COL19A1: variants seen among roughly 807,000 people sequenced by gnomAD.
COL19A1 encodes collagen alpha-1(XIX) chain.
Under a neutral mutation model 190.2 loss-of-function variants are expected in COL19A1, and 159 were observed. That is an observed-to-expected ratio of 0.84 (90% CI 0.73 to 0.95). The LOEUF (loss-of-function observed/expected upper bound fraction) is 0.95. COL19A1 is among the 40% of genes least tolerant of loss of function. The pLI is 0.00. For synonymous variants in COL19A1, 509 were observed against 458.9 expected, an observed-to-expected ratio of 1.11 and a Z score of -1.39; for missense variants, 1,418 against 1,431.9, an observed-to-expected ratio of 0.99 and a Z score of 0.16.
intron 42 of COL19A1, among the ~76,000 whole-genome samples, chr6:70,180,004 TC>T: frequency 6.6e-6 from 1 of 152,282 alleles, no homozygotes; most frequent in East Asian, 1.9e-4. Context: ...TGCCTCGGGC[TC>T]CCGAGTAGCT....
At chr6:69,904,192 C>A (rs542516276) in intron 4 of COL19A1, among the ~76,000 whole-genome samples, 27 of 152,316 alleles carry the variant, frequency 1.8e-4, no homozygotes, top group African/African-American at 6.5e-4. Flanking sequence ...CCCAGGTATT[C>A]AGATCAAATG....
At chr6:70,080,589 C>T (rs1285482141) in intron 15 of COL19A1, among the ~76,000 whole-genome samples, 1 of 152,094 alleles carries the variant, frequency 6.6e-6, no homozygotes, top group Non-Finnish European at 1.5e-5. Context: ...CCTTGGAAAA[C>T]TTTGTTTTAT....
intron 49 of COL19A1, 138 bp from the exon 50 acceptor site, chr6:70,206,763 A>T: frequency 1.5e-6 from 1 of 666,408 alleles, no homozygotes; most frequent in South Asian, 2.4e-5. Flanking sequence ...GGTTAATGCA[A>T]AACAGTTAGC....
chr6:69,909,225 AG>A (rs956010832), intron 4 of COL19A1, among the ~76,000 whole-genome samples: 1 of 152,130 alleles, frequency 6.6e-6, no homozygotes, highest in Non-Finnish European at 1.5e-5. Context: ...CTCATTTCTG[AG>A]GAAAAAAGGA....
chr6:70,089,087 G>A (rs1782752379), intron 15 of COL19A1, among the ~76,000 whole-genome samples: 1 of 152,030 alleles, frequency 6.6e-6, no homozygotes, highest in Admixed American at 6.6e-5. Context: ...CTTTGCCTCT[G>A]GAGATCTTGA....
At chr6:69,879,930 T>C in intron 2 of COL19A1, 1 of 452,010 alleles carries the variant, frequency 2.2e-6, no homozygotes, top group Non-Finnish European at 3.9e-6. Flanking sequence ...TGCCTCTGTG[T>C]GTATATATGA....
In COL19A1 at chr6:70,212,048, T is replaced by G. The variant is rs376087237; in HGVS notation, c.*4774T>G. 2.0e-4 allele frequency among the ~76,000 whole-genome samples: 30 copies of G among 152,246 alleles called. No individual in the cohort carries two copies. Among genetic ancestry groups the G allele is most frequent in the African/African-American group, 7.0e-4 (29 of 41,568 alleles). ...TCACTAAATGAGGGGGTAAATAAGA[T>G]TTAAGTTTATCAGAAGTGTGTGTAT... On this transcript the variant is annotated 3_prime_UTR_variant, in exon 51 of 51. Coordinates refer to ENST00000620364, the MANE Select transcript of COL19A1 (RefSeq NM_001858.6).
At chr6:70,104,073 A>ATTGATTTCATTTCACTTTAGCCATTC (rs1258538313) in intron 16 of COL19A1, among the ~76,000 whole-genome samples, 2 of 152,178 alleles carry the variant, frequency 1.3e-5, no homozygotes, top group Non-Finnish European at 2.9e-5. Flanking sequence ...CTGTCCTGTC[A>ATTGATTTCATTTCACTTTAGCCATTC]TTGATTTCAT....
chr6:70,035,696 A>G (rs143663453), intron 13 of COL19A1, among the ~76,000 whole-genome samples: 136 of 152,358 alleles, frequency 8.9e-4, no homozygotes, highest in African/African-American at 3.1e-3. Context: ...TGCAAAAAGC[A>G]TAGAGTATAC....
intron 34 of COL19A1, 92 bp downstream of exon 34, chr6:70,156,815 A>T: frequency 1.1e-6 from 1 of 894,154 alleles, no homozygotes; most frequent in East Asian, 2.7e-5. Context: ...TATAGCTCAG[A>T]TCTGATGCTA....
chr6:70,020,848 G>T (rs925723150), intron 11 of COL19A1, among the ~76,000 whole-genome samples: 3 of 152,034 alleles, frequency 2.0e-5, no homozygotes, highest in African/African-American at 7.2e-5. Context: ...ATGCATAGTT[G>T]ATAGATCAAT....
At chr6:70,206,862 C>A (rs369354551) in intron 49 of COL19A1, 39 bp from the exon 50 acceptor site, 18 of 1,577,632 alleles carry the variant, frequency 1.1e-5, no homozygotes, top group Non-Finnish European at 1.6e-5. Context: ...GCCATAGAAC[C>A]CTTTTTGTGT....
chr6:69,978,330 T>G (rs961086205), intron 11 of COL19A1, among the ~76,000 whole-genome samples: 1 of 152,260 alleles, frequency 6.6e-6, no homozygotes, highest in African/African-American at 2.4e-5. Flanking sequence ...ATCCAATAGA[T>G]AATTTTTTAT....
chr6:70,149,997 T>G lies in COL19A1; in HGVS notation c.1989T>G (p.Val663=), dbSNP rs765873455. 3 of 1,613,660 alleles carry G rather than the reference T, an allele frequency of 1.9e-6. No homozygotes were observed. Among genetic ancestry groups the G allele is most frequent in the African/African-American group, 1.3e-5 (1 of 74,878 alleles). The change falls in exon 30 of 51, where the codon GTT becomes GTG. Residue 663 remains valine, a synonymous_variant. Coordinates refer to ENST00000620364, the MANE Select transcript of COL19A1 (RefSeq NM_001858.6). The part of the protein sequence containing the change: ...GTPGTPGNDG[V]PGRDGKPGLP... ...ATGGATACCTCTGTTTTCAGGGAGT[T>G]CCAGGGAGAGATGGAAAGCCAGGCC...
intron 3 of COL19A1, among the ~76,000 whole-genome samples, chr6:69,899,312 A>G (rs1285980826): frequency 2.6e-5 from 4 of 151,752 alleles, no homozygotes; most frequent in Admixed American, 1.3e-4. Context: ...CTACAGGCAC[A>G]TGGCTATTTT....
intron 31 of COL19A1, among the ~76,000 whole-genome samples, chr6:70,152,248 A>G (rs1787111334): frequency 6.6e-6 from 1 of 152,148 alleles, no homozygotes; most frequent in African/African-American, 2.4e-5. Context: ...ACACACGCAC[A>G]CACACACAGA....
At chr6:70,169,185 C>T (rs1322773109) in intron 40 of COL19A1, among the ~76,000 whole-genome samples, 1 of 152,272 alleles carries the variant, frequency 6.6e-6, no homozygotes, top group South Asian at 2.1e-4. Context: ...AGGTTATGCT[C>T]AGCATGGAAG....
At chr6:69,919,276 G>A (rs1195367988) in intron 4 of COL19A1, among the ~76,000 whole-genome samples, 6 of 152,116 alleles carry the variant, frequency 3.9e-5, no homozygotes, top group East Asian at 1.9e-4. Context: ...ATGTGTGACC[G>A]ACTTTTTGGG....
Position 70,146,702 on chromosome 6 carries a change from AG to A in COL19A1, c.1815+1del. 6.2e-7 allele frequency: 1 copy of A among 1,604,730 alleles called. No individual in the cohort carries two copies. Among genetic ancestry groups the A allele is most frequent in the East Asian group, 2.2e-5 (1 of 44,728 alleles). On this transcript the variant is annotated frameshift_variant and splice_region_variant, in exon 26 of 51. Coordinates refer to ENST00000620364, the MANE Select transcript of COL19A1 (RefSeq NM_001858.6). LOFTEE classifies it high-confidence loss of function. Reference sequence around the variant, plus strand: ...GGAGCACCTGGTCCACGTGGGCCAAAGGTATACAAATATTATAGTTAATTTT... The same window carrying A: ...GGAGCACCTGGTCCACGTGGGCCAAAGTATACAAATATTATAGTTAATTTT... Reference protein sequence around the residue: ...NPGAPGPRGPKGERGLPGVHG... With the variant: ...NPGAPGPRGPXGERGLPGVHG...
Sources: allele counts gnomAD v4.1 joint callset (sites outside exome capture counted in the v4.1 genomes callset), GRCh38; gene constraint gnomAD v4.1.1; transcripts MANE v1.5; gene names NCBI Gene and HGNC (gene_info 2026-07-23, HGNC 2026-07-21).